CPNE4: variants seen among roughly 807,000 people sequenced by gnomAD.
CPNE4 encodes copine-4.
Under a neutral mutation model 67.9 loss-of-function variants are expected in CPNE4, and 25 were observed. That is an observed-to-expected ratio of 0.37 (90% CI 0.27 to 0.51). The LOEUF is 0.51. CPNE4 is among the 20% of genes least tolerant of loss of function. The pLI is 0.93. For missense variants in CPNE4, 464 were observed against 690.8 expected, an observed-to-expected ratio of 0.67 and a Z score of 3.68; for synonymous variants, 242 against 244.9, an observed-to-expected ratio of 0.99 and a Z score of 0.11.
intron 8 of CPNE4, among the ~76,000 whole-genome samples, chr3:131,585,595 A>G (rs1938126942): frequency 6.6e-6 from 1 of 152,188 alleles, no homozygotes; most frequent in Non-Finnish European, 1.5e-5. Context: ...TACTTTTAAT[A>G]TTTAATTAAT....
intron 2 of CPNE4, among the ~76,000 whole-genome samples, chr3:131,732,375 C>T (rs749188489): frequency 1.3e-5 from 2 of 152,226 alleles, no homozygotes; most frequent in Non-Finnish European, 2.9e-5. Context: ...TTCTCCTTTA[C>T]ATCCCCAGGT....
chr3:131,610,428 C>T (rs1582887448), intron 7 of CPNE4, among the ~76,000 whole-genome samples: 2 of 152,196 alleles, frequency 1.3e-5, no homozygotes, highest in Non-Finnish European at 2.9e-5. Context: ...TCTCTCAACA[C>T]TCAGCACCTC....
chr3:131,958,040 G>A (rs1157684989), intron 1 of CPNE4, among the ~76,000 whole-genome samples: 2 of 152,156 alleles, frequency 1.3e-5, no homozygotes, highest in African/African-American at 4.8e-5. Flanking sequence ...GGCAAATAAT[G>A]GGACATTGAA....
At chr3:131,739,677 A>G (rs2082314515) in intron 2 of CPNE4, among the ~76,000 whole-genome samples, 1 of 152,256 alleles carries the variant, frequency 6.6e-6, no homozygotes, top group Non-Finnish European at 1.5e-5. Flanking sequence ...CAGTAAAGGA[A>G]AGAAGATGAC....
intron 7 of CPNE4, among the ~76,000 whole-genome samples, chr3:131,655,670 A>G (rs555975933): frequency 6.6e-6 from 1 of 152,216 alleles, no homozygotes; most frequent in African/African-American, 2.4e-5. Context: ...GGGGGTGGAG[A>G]CAAGTAGGTT....
rs1553803773 is a variant in CPNE4 at position 131,914,636 on chromosome 3, A to AT, written c.-1-9193dup. Among the ~76,000 whole-genome samples, 6 of 151,988 alleles carry AT rather than the reference A, an allele frequency of 3.9e-5. No homozygotes were observed. In the East Asian group the frequency reaches 9.7e-4, roughly 25 times the overall value. On this transcript the variant is annotated intron_variant, in intron 1 of 15. Transcript: ENST00000429747. ...AAGGAGAAAAGCTGTATATATTTAT[A>AT]TTTTTGTCCTCATCAAACATATAAT...
rs1252953203 is a variant in CPNE4, at chr3:131,874,130, C to T, written c.180+31134G>A. Among the ~76,000 whole-genome samples, 33 of 151,810 alleles carry T rather than the reference C, an allele frequency of 2.2e-4. 1 individual carries two copies. Among genetic ancestry groups the T allele is most frequent in the African/African-American group, 7.7e-4 (32 of 41,416 alleles). ...TTGAGACGGAATTTCGCTCTGTCGC[C>T]CAGGCTGGAGTGCAGTGGCGCAATC... On this transcript the variant is annotated intron_variant, in intron 2 of 15. Transcript: ENST00000429747.
intron 14 of CPNE4, among the ~76,000 whole-genome samples, chr3:131,548,385 G>A (rs573810386): frequency 1.3e-4 from 20 of 152,114 alleles, no homozygotes; most frequent in Non-Finnish European, 2.6e-4. Context: ...CCATATGAAA[G>A]TAGAGAGACA....
intron 1 of CPNE4, among the ~76,000 whole-genome samples, chr3:131,976,175 T>C (rs1184360571): frequency 6.6e-6 from 1 of 151,084 alleles, no homozygotes; most frequent in Non-Finnish European, 1.5e-5. Flanking sequence ...TCTAGAAGGG[T>C]CACAGTGGTA....
chr3:131,814,570 C>T (rs1404378224), intron 2 of CPNE4, among the ~76,000 whole-genome samples: 1 of 97,388 alleles, frequency 1.0e-5, no homozygotes, highest in Non-Finnish European at 2.0e-5. Context: ...TATTGAAATG[C>T]AATTTTTTTT....
chr3:132,011,442 C>A (rs2073759839), intron 1 of CPNE4, among the ~76,000 whole-genome samples: 1 of 152,108 alleles, frequency 6.6e-6, no homozygotes, highest in Non-Finnish European at 1.5e-5. Context: ...AAGGGAATGG[C>A]AAACAATTGC....
chr3:131,651,443 T>C (rs1371820795), intron 7 of CPNE4, among the ~76,000 whole-genome samples: 1 of 152,234 alleles, frequency 6.6e-6, no homozygotes, highest in Admixed American at 6.5e-5. Flanking sequence ...ACATCTACTA[T>C]TTTGTTTTTC....
At chr3:131,623,683 C>G (rs750825808) in intron 7 of CPNE4, among the ~76,000 whole-genome samples, 13 of 152,192 alleles carry the variant, frequency 8.5e-5, no homozygotes, top group Admixed American at 6.5e-5. Context: ...AGCAGCATAG[C>G]GGTCACAACT....
chr3:131,590,864 T>G (rs72999251), intron 7 of CPNE4, among the ~76,000 whole-genome samples: 3,847 of 152,310 alleles, frequency 0.025, 86 homozygotes, highest in African/African-American at 0.065. Flanking sequence ...TAGCTCATTC[T>G]GCTTGAAATG....
chr3:131,539,297 T>C (rs72997257), intron 15 of CPNE4, among the ~76,000 whole-genome samples: 6,015 of 152,306 alleles, frequency 0.039, 293 homozygotes, highest in African/African-American at 0.11. Context: ...TGCTCTGCCC[T>C]GAGCATTCCT....
At position 131,825,227 on chromosome 3, in the gene CPNE4, G is replaced by A. The variant is rs371504722; in HGVS notation, c.180+80037C>T. On this transcript the variant is annotated intron_variant, in intron 2 of 15. Coordinates refer to ENST00000429747, the MANE Select transcript of CPNE4 (RefSeq NM_130808.3). Reference sequence around the variant, plus strand: ...AAGTGGTAATTTCTGGCCGGGCGCAGTAGCTCAGGCCTGTAATCCTAGCAC... The same window carrying A: ...AAGTGGTAATTTCTGGCCGGGCGCAATAGCTCAGGCCTGTAATCCTAGCAC... Among the ~76,000 whole-genome samples the A allele has an allele frequency of 2.6e-5, 4 of 152,310 alleles. No individual in the cohort carries two copies. The East Asian group carries it at 5.8e-4, about 22-fold the overall frequency.
intron 2 of CPNE4, among the ~76,000 whole-genome samples, chr3:131,845,326 A>C: frequency 6.6e-6 from 1 of 152,222 alleles, no homozygotes; most frequent in East Asian, 1.9e-4. Context: ...AACCTTCTTC[A>C]CAACAGGAAA....
rs138307697 is a variant in CPNE4, at chr3:131,956,951, A to G, written c.-1-51507T>C. ...ATAACTTGCTGACATTTTTGTCATCAGGAACAAAACATGTTATAAAATATC... is the reference window on the plus strand; with the variant it reads ...ATAACTTGCTGACATTTTTGTCATCGGGAACAAAACATGTTATAAAATATC... On this transcript the variant is annotated intron_variant, in intron 1 of 15. Transcript: ENST00000429747. Among the ~76,000 whole-genome samples, 711 of 152,356 alleles carry G rather than the reference A, an allele frequency of 4.7e-3. 6 individuals are homozygous for G. The highest frequency in any genetic ancestry group is 0.017 in the African/African-American group (689 of 41,592).
Position 131,905,269 on chromosome 3 carries a change from A to T in CPNE4, c.175T>A (p.Phe59Ile). The T allele has an allele frequency of 6.2e-7, 1 of 1,612,118 alleles. No homozygotes were observed. The highest frequency in any genetic ancestry group is 1.1e-5 in the South Asian group (1 of 90,754). Residue 59 changes from phenylalanine (F) to isoleucine (I), a missense_variant, in exon 2 of 16, where the codon TTT (phenylalanine) becomes ATT (isoleucine). Physicochemically the swap from Phe to Ile is conservative, Grantham distance 21. Transcript: ENST00000429747. ...ILKMQSHGQWFEVDRTEVIRT... is the reference protein window; with the variant it reads ...ILKMQSHGQWIEVDRTEVIRT... ...ATTTCATTGGACATGCCTACCTCAA[A>T]CCACTGCCCATGAGACTGCATCTTG...
Sources: allele counts gnomAD v4.1 joint callset (sites outside exome capture counted in the v4.1 genomes callset), GRCh38; gene constraint gnomAD v4.1.1; transcripts MANE v1.5; gene names NCBI Gene and HGNC (gene_info 2026-07-23, HGNC 2026-07-21).